The following TRDN variants were observed in gnomAD, a reference collection of about 807,000 sequenced individuals.
TRDN encodes the protein triadin in skeletal muscle.
Under a neutral mutation model 149.7 loss-of-function variants are expected in TRDN, and 161 were observed. That is an observed-to-expected ratio of 1.08 (90% CI 0.95 to 1.23). The LOEUF (loss-of-function observed/expected upper bound fraction) is 1.23. Among genes scored for constraint, TRDN ranks in the 50% most tolerant of loss-of-function variants. The probability of loss-of-function intolerance (pLI) is 0.00; values close to 1 mark genes in which losing one functional copy is unlikely to be tolerated. For synonymous variants in TRDN, 294 were observed against 250.5 expected, an observed-to-expected ratio of 1.17 and a Z score of -1.64; for missense variants, 896 against 823.5, an observed-to-expected ratio of 1.09 and a Z score of -1.08.
chr6:123,492,482 ACT>A (rs1322482235), intron 9 of TRDN, among the ~76,000 whole-genome samples: 1 of 152,206 alleles, frequency 6.6e-6, no homozygotes, highest in African/African-American at 2.4e-5. Flanking sequence ...AACTTGGGTG[ACT>A]CTGCCCAGAA....
intron 1 of TRDN, among the ~76,000 whole-genome samples, chr6:123,631,662 T>A (rs1279615963): frequency 6.6e-6 from 1 of 152,094 alleles, no homozygotes; most frequent in Non-Finnish European, 1.5e-5. Flanking sequence ...TTATGAAAAT[T>A]AAATTCTTAT....
intron 9 of TRDN, among the ~76,000 whole-genome samples, chr6:123,484,937 G>C (rs1777913183): frequency 6.6e-6 from 1 of 152,206 alleles, no homozygotes; most frequent in Admixed American, 6.5e-5. Flanking sequence ...GACTGAGAGA[G>C]TGGTAACAGC....
At chr6:123,623,808 C>A (rs1214522601) in intron 1 of TRDN, among the ~76,000 whole-genome samples, 1 of 152,108 alleles carries the variant, frequency 6.6e-6, no homozygotes, top group African/African-American at 2.4e-5. Context: ...CATCCATTCT[C>A]CTAGCTTCTT....
intron 21 of TRDN, among the ~76,000 whole-genome samples, chr6:123,343,174 T>G (rs952094676): frequency 1.3e-5 from 2 of 151,954 alleles, no homozygotes; most frequent in African/African-American, 4.8e-5. Context: ...CACATTTTAT[T>G]TTTTTTGTTA....
chr6:123,585,684 C>G (rs559913218), intron 1 of TRDN, among the ~76,000 whole-genome samples: 1 of 152,088 alleles, frequency 6.6e-6, no homozygotes, highest in Non-Finnish European at 1.5e-5. Flanking sequence ...ACAGATGGGA[C>G]GTGGCTTAGG....
intron 38 of TRDN, among the ~76,000 whole-genome samples, chr6:123,236,868 T>C (rs1775807013): frequency 6.8e-6 from 1 of 147,976 alleles, no homozygotes. Context: ...AATTAGGTAA[T>C]ATGATTATTC....
chr6:123,288,138 G>A (rs1319307165), intron 24 of TRDN, among the ~76,000 whole-genome samples: 1 of 151,982 alleles, frequency 6.6e-6, no homozygotes. Flanking sequence ...ACACACAATA[G>A]GAAAAGAACA....
rs536680040 is a variant in TRDN at position 123,446,621 on chromosome 6, C to T, written c.932-7618G>A. On this transcript the variant is annotated intron_variant, in intron 10 of 40. Coordinates refer to ENST00000334268, the MANE Select transcript of TRDN (RefSeq NM_006073.4). ...AAAAAAAAAAAAAAGAAGAGCTAGG[C>T]CTAGTGAGGCCAGAGTAGAGGACTC... Among the ~76,000 whole-genome samples the T allele has an allele frequency of 4.1e-5, 6 of 147,552 alleles. No individual in the cohort carries two copies. In the East Asian group the frequency reaches 1.2e-3, roughly 30 times the overall value.
At chr6:123,545,437 C>A (rs1781063801) in intron 4 of TRDN, among the ~76,000 whole-genome samples, 1 of 151,810 alleles carries the variant, frequency 6.6e-6, no homozygotes, top group Admixed American at 6.6e-5. Context: ...AAAGCTTACA[C>A]ATAAAAAATA....
chr6:123,578,690 G>A (rs1279167267), intron 1 of TRDN, among the ~76,000 whole-genome samples: 3 of 152,152 alleles, frequency 2.0e-5, no homozygotes, highest in Non-Finnish European at 4.4e-5. Flanking sequence ...GTTCTGTGAA[G>A]AATGTCACTG....
chr6:123,569,338 A>G (rs1383885971), intron 2 of TRDN, among the ~76,000 whole-genome samples: 1 of 152,168 alleles, frequency 6.6e-6, no homozygotes, highest in East Asian at 1.9e-4. Flanking sequence ...ACCAGTCACT[A>G]AGAAGTTTCA....
rs1017982282 is a variant in TRDN at position 123,218,435 on chromosome 6, C to T, written c.*166G>A. The stretch of plus-strand genomic sequence containing the variant: ...ACTTAGACCCTTAAACATGTCTGCT[C>T]ATCACTCAATCCATTTGGCCACCCT... On this transcript the variant is annotated 3_prime_UTR_variant, in exon 41 of 41. Transcript: ENST00000334268. The T allele has an allele frequency of 1.3e-5, 9 of 682,676 alleles. No individual in the cohort carries two copies. The highest frequency in any genetic ancestry group is 2.2e-5 in the Non-Finnish European group (9 of 418,122). The allele number at this position is 682,676 out of a possible 1,614,324, so 42.3% of individuals were successfully genotyped here. A position where few individuals can be genotyped will look rare whatever the true frequency, so the allele number is the denominator to read the frequency against.
chr6:123,595,582 C>T (rs1036173234), intron 1 of TRDN, among the ~76,000 whole-genome samples: 5 of 152,168 alleles, frequency 3.3e-5, no homozygotes, highest in African/African-American at 9.7e-5. Flanking sequence ...GTTGTAGCAA[C>T]CCTGCGTCCA....
intron 4 of TRDN, among the ~76,000 whole-genome samples, chr6:123,536,757 C>G (rs1258511588): frequency 6.6e-6 from 1 of 151,330 alleles, no homozygotes; most frequent in Non-Finnish European, 1.5e-5. Flanking sequence ...TGGTGGTGCA[C>G]AACTGTAGTC....
intron 38 of TRDN, among the ~76,000 whole-genome samples, chr6:123,242,102 C>G (rs1381042599): frequency 6.6e-6 from 1 of 152,154 alleles, no homozygotes; most frequent in Middle Eastern, 3.2e-3. Context: ...GGGCCATCCC[C>G]CTGTCTAGAG....
chr6:123,531,560 T>A (rs1780256750), intron 4 of TRDN, among the ~76,000 whole-genome samples: 2 of 152,068 alleles, frequency 1.3e-5, no homozygotes, highest in African/African-American at 4.8e-5. Context: ...TTGTGAAGGT[T>A]TTCTTCCTAA....
intron 10 of TRDN, among the ~76,000 whole-genome samples, chr6:123,440,328 T>C (rs1774806734): frequency 6.6e-6 from 1 of 152,166 alleles, no homozygotes. Flanking sequence ...AAGTCAAATT[T>C]TGATAGTTTC....
At chr6:123,306,602 C>T (rs992103768) in intron 24 of TRDN, among the ~76,000 whole-genome samples, 6 of 152,012 alleles carry the variant, frequency 3.9e-5, no homozygotes, top group Admixed American at 1.3e-4. Flanking sequence ...CTATAGCTTC[C>T]GAGATAACTT....
chr6:123,431,753 T>C (rs576954221), intron 12 of TRDN, among the ~76,000 whole-genome samples: 1 of 152,182 alleles, frequency 6.6e-6, no homozygotes, highest in Non-Finnish European at 1.5e-5. Flanking sequence ...TTTAGTTACA[T>C]GTAAATGTAG....
Sources: allele counts gnomAD v4.1 joint callset (sites outside exome capture counted in the v4.1 genomes callset), GRCh38; gene constraint gnomAD v4.1.1; transcripts MANE v1.5; gene names NCBI Gene and HGNC (gene_info 2026-07-23, HGNC 2026-07-21).